The following KIAA1210 variants were observed in gnomAD, a reference collection of about 807,000 sequenced individuals.
The protein encoded by KIAA1210 is KIAA1210, also known as acrosomal protein KIAA1210.
KIAA1210 carries 48 observed loss-of-function variants against 78.9 expected under a neutral mutation model. The ratio of observed to expected loss-of-function variants is 0.61; its 90% CI spans 0.48 to 0.77. KIAA1210 has a LOEUF of 0.77. Among genes scored for constraint, KIAA1210 ranks in the 30% least tolerant of loss-of-function variants. The pLI is 0.00. For synonymous variants in KIAA1210, 406 were observed against 404.5 expected, an observed-to-expected ratio of 1.00 and a Z score of -0.04; for missense variants, 1,108 against 1,100.0, an observed-to-expected ratio of 1.01 and a Z score of -0.10.
At chrX:119,094,118 C>A in intron 7 of KIAA1210, 3 of 1,031,734 alleles carry the variant, frequency 2.9e-6, no homozygotes, top group Non-Finnish European at 4.1e-6. Context: ...GTCATTGGGC[C>A]TGACAACAAT....
chrX:119,109,827 T>G (rs956818923), intron 3 of KIAA1210, among the ~76,000 whole-genome samples: 3 of 111,855 alleles, frequency 2.7e-5, no homozygotes, highest in Non-Finnish European at 5.6e-5. Context: ...CTCTACAATA[T>G]ATCTATCCTA....
chrX:119,112,943 A>T (rs891094252), intron 3 of KIAA1210, among the ~76,000 whole-genome samples: 7 of 112,543 alleles, frequency 6.2e-5, no homozygotes, highest in Non-Finnish European at 9.4e-5. Flanking sequence ...GAAACAACCC[A>T]AATATCCATT....
chrX:119,118,853 T>C lies in KIAA1210; in HGVS notation c.62-2189A>G, dbSNP rs182760576. On this transcript the variant is annotated intron_variant, in intron 2 of 11. Coordinates refer to ENST00000691062, the MANE Select transcript of KIAA1210 (RefSeq NM_001394962.1). ...TCAAGTACTTACCATGTTCTGGGTA[T>C]CCGTGAGAAAGAAAGAAGTTATAGC... is the stretch of plus-strand genomic sequence containing the variant. Among the ~76,000 whole-genome samples, 244 of 112,588 alleles carry C rather than the reference T, an allele frequency of 2.2e-3. 1 individual carries two copies. The highest frequency in any genetic ancestry group is 7.6e-3 in the African/African-American group (237 of 31,003).
Position 119,102,086 on chromosome X carries a change from C to T in KIAA1210, c.648+2906G>A, listed in dbSNP as rs151251162. Among the ~76,000 whole-genome samples the T allele has an allele frequency of 3.1e-3, 354 of 112,958 alleles. 4 individuals carry two copies. The highest frequency in any genetic ancestry group is 0.011 in the African/African-American group (336 of 31,157). On this transcript the variant is annotated intron_variant, in intron 6 of 11. Transcript: ENST00000691062. ...ATAAAAAGAGGACTGCTAGAAGCCA[C>T]ATAGTTCAGTGAAAAGTGCTATGGA... is the stretch of plus-strand genomic sequence containing the variant.
At chrX:119,116,981 C>T (rs1456884773) in intron 2 of KIAA1210, among the ~76,000 whole-genome samples, 2 of 112,383 alleles carry the variant, frequency 1.8e-5, no homozygotes, top group Non-Finnish European at 3.8e-5. Flanking sequence ...TTAACATATA[C>T]ACCTCTTTCT....
At chrX:119,125,482 G>A (rs1928599622) in intron 1 of KIAA1210, among the ~76,000 whole-genome samples, 2 of 106,784 alleles carry the variant, frequency 1.9e-5, no homozygotes, top group South Asian at 8.5e-4. Context: ...GTTCTCCCAT[G>A]ACTCACTCCA....
At chrX:119,147,545 T>C (rs781323631) in exon 2 of KIAA1210, 1 of 1,209,957 alleles carries the variant, frequency 8.3e-7, no homozygotes, top group South Asian at 1.8e-5. Context: ...CCTGGCCAGA[T>C]CCCCAAGATT....
intron 2 of KIAA1210, among the ~76,000 whole-genome samples, chrX:119,138,349 G>T (rs1334378336): frequency 1.9e-5 from 2 of 107,241 alleles, no homozygotes; most frequent in Non-Finnish European, 1.9e-5. Context: ...TTCCCGAGTA[G>T]CTGGGATTAC....
chrX:119,100,981 T>A (rs900056463), intron 6 of KIAA1210, among the ~76,000 whole-genome samples: 9 of 112,281 alleles, frequency 8.0e-5, no homozygotes, highest in Non-Finnish European at 1.7e-4. Context: ...TGGTACCTAC[T>A]AATCCAGAAT....
rs777428832 is a variant in KIAA1210 at position 119,082,444 on chromosome X, G to GA, written c.4426+570dup. On this transcript the variant is annotated intron_variant, in intron 11 of 11. Transcript: ENST00000691062. ...CATCATCCACTCCCCTGCTCCTGCT[G>GA]AAAAAATTCTCTCTAGCACACAATT... is the stretch of plus-strand genomic sequence containing the variant. 3.5e-3 allele frequency among the ~76,000 whole-genome samples: 390 copies of GA among 112,187 alleles called. 3 individuals carry two copies. The highest frequency in any genetic ancestry group is 0.012 in the African/African-American group (370 of 30,903).
At chrX:119,148,103 G>A (rs1397448277) in intron 1 of KIAA1210, among the ~76,000 whole-genome samples, 4 of 111,536 alleles carry the variant, frequency 3.6e-5, no homozygotes, top group Admixed American at 9.5e-5. Flanking sequence ...TTGTTCCACT[G>A]CACTCCAGCC....
At chrX:119,135,799 A>G (rs905773752) in intron 2 of KIAA1210, among the ~76,000 whole-genome samples, 2 of 112,365 alleles carry the variant, frequency 1.8e-5, no homozygotes, top group Admixed American at 9.4e-5. Flanking sequence ...CACGCCTGTA[A>G]TCCCAGCACT....
At chrX:119,083,164 T>C (rs770962011) in intron 10 of KIAA1210, 44 bp from the exon 11 acceptor site, 4 of 1,027,693 alleles carry the variant, frequency 3.9e-6, no homozygotes, top group Non-Finnish European at 5.4e-6. Flanking sequence ...AGTTCTGACA[T>C]TAAAATGGCA....
At chrX:119,128,290 C>T (rs1174001729), upstream of KIAA1210, among the ~76,000 whole-genome samples, 3 of 111,161 alleles carry the variant, frequency 2.7e-5, no homozygotes, top group Non-Finnish European at 5.7e-5. Context: ...AGTAAGCTGC[C>T]ACATCAGCTG....
At chrX:119,096,724 C>G (rs981363122) in intron 6 of KIAA1210, 33 bp from the exon 7 acceptor site, 4 of 1,061,187 alleles carry the variant, frequency 3.8e-6, no homozygotes, top group Non-Finnish European at 5.1e-6. Context: ...GACGAGTCAA[C>G]CCGTATGCTG....
chrX:119,085,599 A>G (rs1603264715), intron 9 of KIAA1210, 53 bp from the exon 10 acceptor site: 3 of 1,098,373 alleles, frequency 2.7e-6, no homozygotes, highest in African/African-American at 3.6e-5. Flanking sequence ...CAGGGTCTTG[A>G]GCCTGGTTGG....
At position 119,137,247 on chromosome X, in the gene KIAA1210, G is replaced by C. The variant is rs766693648; in HGVS notation, c.410+10226C>G. 3.6e-5 allele frequency among the ~76,000 whole-genome samples: 4 copies of C among 112,377 alleles called. No homozygotes were observed. In the East Asian group the frequency reaches 1.1e-3, roughly 31 times the overall value. ...CATTTTGTAGATGAGGAAACAGAAAGGCTAAGTAACTGCCCAGGGGCACAT... is the reference window on the plus strand; with the variant it reads ...CATTTTGTAGATGAGGAAACAGAAACGCTAAGTAACTGCCCAGGGGCACAT... On this transcript the variant is annotated intron_variant, in intron 2 of 13. Coordinates refer to the KIAA1210 transcript ENST00000402510.
Position 119,081,229 on chromosome X carries a change from T to C in KIAA1210, c.*100A>G, listed in dbSNP as rs1200259365. 1.2e-5 allele frequency: 8 copies of C among 695,592 alleles called. No individual in the cohort carries two copies. The East Asian group carries it at 1.6e-4, about 14-fold the overall frequency. 57.3% of individuals were successfully genotyped at this position (695,592 alleles called of 1,213,427 possible). ...TTGCAGTGAGCGGAGATCGCGCCACTGCACTCCAATCTGGGTAACAGAGCG... is the reference window on the plus strand; with the variant it reads ...TTGCAGTGAGCGGAGATCGCGCCACCGCACTCCAATCTGGGTAACAGAGCG... On this transcript the variant is annotated 3_prime_UTR_variant, in exon 12 of 12. Transcript: ENST00000691062.
At chrX:119,147,698 T>C in intron 1 of KIAA1210, 1 of 869,958 alleles carries the variant, frequency 1.1e-6, no homozygotes, top group African/African-American at 2.0e-5. Context: ...TGGCAATGTG[T>C]TAGCCAAGAG....
Sources: allele counts gnomAD v4.1 joint callset (sites outside exome capture counted in the v4.1 genomes callset), GRCh38; gene constraint gnomAD v4.1.1; transcripts MANE v1.5; gene names NCBI Gene and HGNC (gene_info 2026-07-23, HGNC 2026-07-21).